GPATCH2L: variants seen among roughly 807,000 people sequenced by gnomAD.
GPATCH2L encodes G-patch domain containing 2 like.
In GPATCH2L, 31 loss-of-function variants were observed where a neutral mutation model predicts 57.4. The ratio of observed to expected loss-of-function variants is 0.54; its 90% CI spans 0.41 to 0.73. The LOEUF (loss-of-function observed/expected upper bound fraction) is 0.73. Ranked by LOEUF, GPATCH2L falls within the 30% of genes least tolerant of loss-of-function variation. The pLI is 0.00. For missense variants in GPATCH2L, 481 were observed against 599.9 expected (o/e 0.80, Z 2.07); for synonymous variants, 199 against 210.7 (o/e 0.94, Z 0.48).
In GPATCH2L at chr14:76,193,709, T is replaced by C. The variant is rs537410074; in HGVS notation, c.1194-2169T>C. 2.4e-4 allele frequency among the ~76,000 whole-genome samples: 37 copies of C among 152,286 alleles called. 2 individuals carry two copies. The South Asian group carries it at 7.7e-3, about 32-fold the overall frequency. ...CCTGTCTTCCCCCTCACCACTGCTGTAGAGTGCCACCATCCTGATGTCTAA... is the reference window on the plus strand; with the variant it reads ...CCTGTCTTCCCCCTCACCACTGCTGCAGAGTGCCACCATCCTGATGTCTAA... On this transcript the variant is annotated intron_variant, in intron 8 of 9. Coordinates refer to ENST00000261530, the MANE Select transcript of GPATCH2L (RefSeq NM_017926.4).
At chr14:76,177,881 C>G in intron 6 of GPATCH2L, 107 bp from the exon 7 acceptor site, 1 of 1,551,474 alleles carries the variant, frequency 6.4e-7, no homozygotes, top group Non-Finnish European at 8.9e-7. Flanking sequence ...TTATTCTCTC[C>G]CTCTCTTTAG....
chr14:76,226,541 C>T (rs1265669656), intron 1 of GPATCH2L, among the ~76,000 whole-genome samples: 2 of 152,134 alleles, frequency 1.3e-5, no homozygotes, highest in Non-Finnish European at 2.9e-5. Flanking sequence ...CTGAATGTGT[C>T]CCTCCAAAAT....
In GPATCH2L at chr14:76,208,670, T is replaced by A. The variant is rs1422707982; in HGVS notation, c.*6819T>A. 6.6e-6 allele frequency: 1 copy of A among 152,562 alleles called. No homozygotes were observed. Among genetic ancestry groups the A allele is most frequent in the Non-Finnish European group, 1.5e-5 (1 of 68,240 alleles). The allele number at this position is 152,562 out of a possible 1,614,324, so 9.5% of individuals were successfully genotyped here. ...ACCTCTCCCTTGATAAATGACTTGA[T>A]CTAGCTACAGCCTCACACTCCTGGC... On this transcript the variant is annotated 3_prime_UTR_variant, in exon 10 of 10. Transcript: ENST00000261530.
chr14:76,178,436 G>A, intron 7 of GPATCH2L: 1 of 302,756 alleles, frequency 3.3e-6, no homozygotes, highest in East Asian at 9.0e-5. Flanking sequence ...CGGGTTGGGG[G>A]CGTGGTGAGG....
intron 9 of GPATCH2L, among the ~76,000 whole-genome samples, chr14:76,200,304 A>G (rs188932286): frequency 2.0e-4 from 31 of 152,350 alleles, no homozygotes; most frequent in African/African-American, 6.7e-4. Context: ...CTGTACAGTT[A>G]AAAATGGATA....
At chr14:76,182,614 ATGTGGAAAAT>A (rs2039618672) in intron 8 of GPATCH2L, among the ~76,000 whole-genome samples, 1 of 150,578 alleles carries the variant, frequency 6.6e-6, no homozygotes, top group African/African-American at 2.4e-5. Context: ...AAAGAAAAGA[ATGTGGAAAAT>A]TGTGGAATGA....
chr14:76,223,767 C>T (rs533037252), intron 1 of GPATCH2L, among the ~76,000 whole-genome samples: 1 of 151,952 alleles, frequency 6.6e-6, no homozygotes, highest in Non-Finnish European at 1.5e-5. Flanking sequence ...TAAAAATGGG[C>T]AAAAAGACTC....
In GPATCH2L at chr14:76,203,593, G is replaced by C. The variant is rs1158456779; in HGVS notation, c.*1742G>C. On this transcript the variant is annotated 3_prime_UTR_variant, in exon 10 of 10. Transcript: ENST00000261530. ...GATGGGATGGGAGAGTGCTGAAGCTGGCCCAGCATGCCTCTGAGTCACCCC... is the reference window on the plus strand; with the variant it reads ...GATGGGATGGGAGAGTGCTGAAGCTCGCCCAGCATGCCTCTGAGTCACCCC... 1 of 152,380 alleles carries C rather than the reference G, an allele frequency of 6.6e-6. No individual in the cohort carries two copies. The highest frequency in any genetic ancestry group is 1.5e-5 in the Non-Finnish European group (1 of 68,170). The allele number at this position is 152,380 out of a possible 1,614,324, so 9.4% of individuals were successfully genotyped here.
intron 2 of GPATCH2L, among the ~76,000 whole-genome samples, chr14:76,156,231 C>T (rs1027409368): frequency 1.3e-5 from 2 of 152,186 alleles, no homozygotes; most frequent in African/African-American, 4.8e-5. Context: ...CTCAATTTAA[C>T]TTTCCCAACT....
chr14:76,178,342 A>T (rs1295129913), intron 7 of GPATCH2L: 1 of 1,050,470 alleles, frequency 9.5e-7, no homozygotes, highest in Non-Finnish European at 1.3e-6. Flanking sequence ...CTTTGGGTGA[A>T]GTGGGGTCAA....
intron 9 of GPATCH2L, among the ~76,000 whole-genome samples, chr14:76,199,408 G>A (rs954406365): frequency 2.0e-5 from 3 of 151,782 alleles, no homozygotes; most frequent in Admixed American, 6.6e-5. Context: ...AGCTTTCACC[G>A]GGTTCTGTTT....
chr14:76,195,049 A>T (rs896128021), intron 8 of GPATCH2L, among the ~76,000 whole-genome samples: 1 of 152,172 alleles, frequency 6.6e-6, no homozygotes, highest in Admixed American at 6.5e-5. Flanking sequence ...TTCATGGTAG[A>T]TGAGGCCCCA....
chr14:76,173,876 G>A (rs1004813197), intron 5 of GPATCH2L: 1 of 481,376 alleles, frequency 2.1e-6, no homozygotes. Context: ...TCTATTGCCT[G>A]TAAACCTACA....
chr14:76,179,765 A>C (rs989930670), intron 7 of GPATCH2L: 2 of 152,338 alleles, frequency 1.3e-5, no homozygotes, highest in South Asian at 4.1e-4. Flanking sequence ...TAGCAAACAT[A>C]AAGTGAGGGA....
At chr14:76,216,794 A>T (rs1398309363), downstream of GPATCH2L, among the ~76,000 whole-genome samples, 7 of 152,100 alleles carry the variant, frequency 4.6e-5, no homozygotes, top group Admixed American at 4.6e-4. Context: ...TAAAACATAA[A>T]ACACAACTCT....
intron 1 of GPATCH2L, among the ~76,000 whole-genome samples, chr14:76,222,607 C>T (rs1027577949): frequency 1.3e-5 from 2 of 150,706 alleles, no homozygotes; most frequent in African/African-American, 2.4e-5. Flanking sequence ...GACCCTGTAA[C>T]AACAACAAAC....
rs1176768477 is a variant in GPATCH2L at position 76,203,792 on chromosome 14, A to G, written c.*1941A>G. 6.6e-6 allele frequency: 1 copy of G among 152,254 alleles called. No individual in the cohort carries two copies. The highest frequency in any genetic ancestry group is 2.4e-5 in the African/African-American group (1 of 41,464). 9.4% of individuals were successfully genotyped at this position (152,254 alleles called of 1,614,324 possible). A position where few individuals can be genotyped will look rare whatever the true frequency, so the allele number is the denominator to read the frequency against. On this transcript the variant is annotated 3_prime_UTR_variant, in exon 10 of 10. Transcript: ENST00000261530. Reference sequence around the variant, plus strand: ...TTTTGTTGTCATGTGCATTGTCACCATAGTGACCCGTGGCATATATTTTTA... The same window carrying G: ...TTTTGTTGTCATGTGCATTGTCACCGTAGTGACCCGTGGCATATATTTTTA...
chr14:76,223,832 A>G (rs2040525533), intron 1 of GPATCH2L, among the ~76,000 whole-genome samples: 1 of 152,216 alleles, frequency 6.6e-6, no homozygotes, highest in Admixed American at 6.5e-5. Flanking sequence ...ACACGAAAAG[A>G]TGCTCAACAT....
intron 2 of GPATCH2L, among the ~76,000 whole-genome samples, chr14:76,156,859 T>G (rs767385497): frequency 1.3e-5 from 2 of 152,230 alleles, no homozygotes; most frequent in Non-Finnish European, 2.9e-5. Flanking sequence ...CATGAGATGC[T>G]TCACTCTTTT....
Sources: gnomAD v4.1 joint callset for allele counts (sites outside exome capture counted in the v4.1 genomes callset) on GRCh38, gnomAD v4.1.1 for gene constraint, MANE v1.5 for transcripts, NCBI Gene and HGNC (gene_info 2026-07-23, HGNC 2026-07-21) for gene names.